The following IL12B variants were observed in gnomAD, a reference collection of about 807,000 sequenced individuals.
The protein encoded by IL12B is interleukin 12B.
A neutral mutation model predicts 39.2 loss-of-function variants in IL12B; 27 were observed. The observed-to-expected ratio is 0.69, with a 90% CI of 0.51 to 0.95. The LOEUF (loss-of-function observed/expected upper bound fraction) is 0.95, where lower values mean the gene tolerates loss of function less well. IL12B is among the 40% of genes least tolerant of loss of function. The probability of loss-of-function intolerance (pLI) is 0.00; values close to 1 mark genes in which losing one functional copy is unlikely to be tolerated. For synonymous variants in IL12B, 142 were observed against 152.1 expected (o/e 0.93, Z 0.49); for missense variants, 351 against 397.6 (o/e 0.88, Z 1.00).
chr5:159,322,563 GT>G (rs778478807), intron 3 of IL12B, 52 bp from the exon 4 acceptor site: 2 of 1,192,800 alleles, frequency 1.7e-6, no homozygotes, highest in Non-Finnish European at 1.3e-6. Flanking sequence ...TTGCAGAAAG[GT>G]TTTGATTGTG....
At chr5:159,323,404 G>A (rs1257104479) in intron 2 of IL12B, 75 bp from the exon 3 acceptor site, 1 of 1,419,252 alleles carries the variant, frequency 7.0e-7, no homozygotes, top group Non-Finnish European at 9.8e-7. Context: ...TAACCCTTCG[G>A]GCATCCCCAT....
chr5:159,323,902 G>GAAAA (rs71577371), intron 2 of IL12B, among the ~76,000 whole-genome samples: 1 of 138,228 alleles, frequency 7.2e-6, no homozygotes. Flanking sequence ...AGGATTAAAT[G>GAAAA]AAAAAAAAAA....
intron 2 of IL12B, among the ~76,000 whole-genome samples, chr5:159,324,468 C>A (rs3213118): frequency 9.2e-5 from 14 of 152,308 alleles, no homozygotes; most frequent in Non-Finnish European, 1.8e-4. Context: ...TGGAATAGAT[C>A]AGAAATGCAA....
At position 159,321,970 on chromosome 5, in the gene IL12B, G is replaced by T. The variant is rs375663254; in HGVS notation, c.482+424C>A. On this transcript the variant is annotated intron_variant, in intron 4 of 7. Transcript: ENST00000231228. ...TGGGAAAATTTCGGGAGGCCTCATC[G>T]AGTTTTGGAGTCTGCTTCAGGGCCC... Among the ~76,000 whole-genome samples, 10 of 152,214 alleles carry T rather than the reference G, an allele frequency of 6.6e-5. No individual in the cohort carries two copies. The East Asian group carries it at 1.7e-3, about 26-fold the overall frequency.
chr5:159,320,258 C>T, intron 5 of IL12B, 48 bp downstream of exon 5: 2 of 1,521,380 alleles, frequency 1.3e-6, no homozygotes, highest in East Asian at 4.5e-5. Context: ...GAACACGTGA[C>T]AAATAGTATC....
rs1297662228 is a variant in IL12B, at chr5:159,322,532, A to G, written c.365-21T>C. 3.3e-6 allele frequency: 5 copies of G among 1,498,874 alleles called. No individual in the cohort carries two copies. In the African/African-American group the frequency reaches 6.9e-5, roughly 21 times the overall value. The allele number at this position is 1,498,874 out of a possible 1,614,324, so 92.8% of individuals were successfully genotyped here. On this transcript the variant is annotated intron_variant, in intron 3 of 7. Coordinates refer to ENST00000231228, the MANE Select transcript of IL12B (RefSeq NM_002187.3). ...GGGTTCTGGATTTGAAAAAAACAAAAATTCAATATTTAGGAGTTTTTTGCA... is the reference window on the plus strand; with the variant it reads ...GGGTTCTGGATTTGAAAAAAACAAAGATTCAATATTTAGGAGTTTTTTGCA...
At chr5:159,318,526 C>T (rs776714408) in intron 6 of IL12B, among the ~76,000 whole-genome samples, 11 of 152,250 alleles carry the variant, frequency 7.2e-5, no homozygotes, top group Admixed American at 5.9e-4. Context: ...AGCCTAGAAG[C>T]GTAGTAGGCT....
chr5:159,327,502 C>CT (rs1754211611), intron 1 of IL12B, among the ~76,000 whole-genome samples: 1 of 152,196 alleles, frequency 6.6e-6, no homozygotes, highest in African/African-American at 2.4e-5. Flanking sequence ...AAAGACTACT[C>CT]TCTCCCATAT....
chr5:159,323,176 T>C lies in IL12B; in HGVS notation c.242A>G (p.Glu81Gly), dbSNP rs540842370. The change falls in exon 3 of 8, where the codon GAG becomes GGG. Residue 81 changes from glutamate to glycine, a missense_variant. By Grantham distance (98) the Glu-to-Gly change is moderately conservative (BLOSUM62 -2). Transcript: ENST00000231228. ...GGTGTACTGGCCAGCATCTCCAAAC[T>C]CTTTGACTTGGATGGTCAGGGTTTT... ...SGKTLTIQVKEFGDAGQYTCH... is the reference protein window; with the variant it reads ...SGKTLTIQVKGFGDAGQYTCH... 2.4e-5 allele frequency: 38 copies of C among 1,614,138 alleles called. 1 individual carries two copies. In the South Asian group the frequency reaches 3.8e-4, roughly 16 times the overall value.
chr5:159,316,777 T>C lies in IL12B; in HGVS notation c.895A>G (p.Ile299Val). Residue 299 changes from isoleucine to valine, a missense_variant, in exon 7 of 8, where the codon ATC (isoleucine) becomes GTC (valine). Coordinates refer to ENST00000231228, the MANE Select transcript of IL12B (RefSeq NM_002187.3). ...CTAATGCTGGCATTTTTGCGGCAGA[T>C]GACCGTGGCTGAGGTCTTGTCCGTG... is the stretch of plus-strand genomic sequence containing the variant. ...VFTDKTSATV[I>V]CRKNASISVR... 1.2e-6 allele frequency: 2 copies of C among 1,614,154 alleles called. No individual in the cohort carries two copies. The highest frequency in any genetic ancestry group is 1.1e-5 in the South Asian group (1 of 91,080).
At chr5:159,320,281 G>A (rs1006284862) in intron 5 of IL12B, 25 bp downstream of exon 5, 2 of 1,579,802 alleles carry the variant, frequency 1.3e-6, no homozygotes, top group Non-Finnish European at 1.7e-6. Context: ...TCCTTATGGA[G>A]CACATATAAT....
intron 1 of IL12B, 111 bp from the exon 2 acceptor site, chr5:159,326,893 A>G: frequency 1.3e-6 from 1 of 758,544 alleles, no homozygotes; most frequent in Non-Finnish European, 2.4e-6. Flanking sequence ...TGAACCATAT[A>G]CACATTCTAG....
intron 7 of IL12B, 39 bp downstream of exon 7, chr5:159,316,646 A>C (rs1432406597): frequency 2.5e-6 from 4 of 1,589,156 alleles, no homozygotes; most frequent in African/African-American, 1.3e-5. Context: ...AGGTGCACTG[A>C]GAGTGCAGGC....
intron 4 of IL12B, among the ~76,000 whole-genome samples, chr5:159,321,798 T>G (rs1327000532): frequency 6.6e-6 from 1 of 152,146 alleles, no homozygotes; most frequent in Non-Finnish European, 1.5e-5. Flanking sequence ...TTTGCTTCGG[T>G]GATGATTAAA....
At chr5:159,317,810 C>A (rs1754014495) in intron 6 of IL12B, among the ~76,000 whole-genome samples, 1 of 152,342 alleles carries the variant, frequency 6.6e-6, no homozygotes, top group African/African-American at 2.4e-5. Context: ...GTTGAAACAA[C>A]AATTTTAGGC....
At chr5:159,324,962 A>G (rs1369725800) in intron 2 of IL12B, among the ~76,000 whole-genome samples, 4 of 151,774 alleles carry the variant, frequency 2.6e-5, no homozygotes, top group Non-Finnish European at 5.9e-5. Context: ...ACCATGTGGC[A>G]CTTTTGGCTT....
intron 7 of IL12B, among the ~76,000 whole-genome samples, 151 bp from the exon 8 acceptor site, chr5:159,316,251 G>A (rs974055545): frequency 4.6e-5 from 7 of 152,190 alleles, no homozygotes; most frequent in African/African-American, 1.7e-4. Context: ...GAATTTGGCT[G>A]GCACCATGCT....
In IL12B at chr5:159,320,443, T is replaced by C. The variant is rs1220786902; in HGVS notation, c.560A>G (p.Tyr187Cys). Residue 187 changes from tyrosine (Y) to cysteine (C), a missense_variant, in exon 5 of 8, where the codon TAT becomes TGT. Coordinates refer to ENST00000231228, the MANE Select transcript of IL12B (RefSeq NM_002187.3). ...AERVRGDNKE[Y>C]EYSVECQEDS... ...CTCCTGGCACTCCACTGAGTACTCA[T>C]ACTCCTTGTTGTCCCCTCTGACTCT... 2.5e-6 allele frequency: 4 copies of C among 1,613,974 alleles called. No individual in the cohort carries two copies. The East Asian group carries it at 6.7e-5, about 27-fold the overall frequency.
chr5:159,323,322 G>A lies in IL12B; in HGVS notation c.96C>T (p.Val32=), dbSNP rs779788217. Residue 32 remains valine (V), a synonymous_variant, in exon 3 of 8, where the codon GTC becomes GTT. Coordinates refer to ENST00000231228, the MANE Select transcript of IL12B (RefSeq NM_002187.3). ...CATCCGGATACCAATCCAATTCTAC[G>A]ACATAAACTGGAATGCACATAAAGT... The part of the protein sequence containing the change: ...AIWELKKDVY[V]VELDWYPDAP... 58 of 1,613,720 alleles carry A rather than the reference G, an allele frequency of 3.6e-5. No homozygotes were observed. The highest frequency in any genetic ancestry group is 2.1e-4 in the South Asian group (19 of 91,074).
Sources: gnomAD v4.1 joint callset for allele counts (sites outside exome capture counted in the v4.1 genomes callset) on GRCh38, gnomAD v4.1.1 for gene constraint, MANE v1.5 for transcripts, NCBI Gene and HGNC (gene_info 2026-07-23, HGNC 2026-07-21) for gene names.